The following FBXO36 variants were observed in gnomAD, a reference collection of about 807,000 sequenced individuals.
FBXO36 encodes F-box protein 36.
In FBXO36, 18 loss-of-function variants were observed where a neutral mutation model predicts 17.0. That is an observed-to-expected ratio of 1.06 (90% CI 0.73 to 1.57). The LOEUF (loss-of-function observed/expected upper bound fraction) is 1.57, where lower values mean the gene tolerates loss of function less well. Among genes scored for constraint, FBXO36 ranks in the 40% most tolerant of loss-of-function variants. The pLI, the probability that FBXO36 is intolerant of heterozygous loss-of-function variation, is 0.00. For synonymous variants in FBXO36, 83 were observed against 85.3 expected (o/e 0.97, Z 0.15); for missense variants, 229 against 221.9 (o/e 1.03, Z -0.20).
chr2:229,922,728 G>A (rs2076781504), intron 1 of FBXO36, 119 bp downstream of exon 1: 3 of 1,000,098 alleles, frequency 3.0e-6, no homozygotes, highest in Admixed American at 2.8e-5. Flanking sequence ...GCCCAGTCCC[G>A]GCTCCGCGCC....
At chr2:229,953,505 A>C (rs2077068354) in intron 1 of FBXO36, among the ~76,000 whole-genome samples, 1 of 151,602 alleles carries the variant, frequency 6.6e-6, no homozygotes, top group African/African-American at 2.4e-5. Context: ...GCAAAACCTC[A>C]TCTCTACCAA....
At chr2:229,961,300 A>C (rs1560441576) in intron 1 of FBXO36, among the ~76,000 whole-genome samples, 1 of 152,182 alleles carries the variant, frequency 6.6e-6, no homozygotes, top group Non-Finnish European at 1.5e-5. Context: ...TAATAGCCTT[A>C]TATTACTTTC....
chr2:229,939,514 G>A (rs1331258665), intron 1 of FBXO36, among the ~76,000 whole-genome samples: 2 of 152,072 alleles, frequency 1.3e-5, no homozygotes, highest in Non-Finnish European at 2.9e-5. Flanking sequence ...GGGAGGCTGA[G>A]GCAGGAGAAT....
At chr2:229,966,153 G>A (rs2077151462) in intron 1 of FBXO36, among the ~76,000 whole-genome samples, 1 of 152,128 alleles carries the variant, frequency 6.6e-6, no homozygotes, top group African/African-American at 2.4e-5. Context: ...TTTTTCCTGT[G>A]TCTGTTGACT....
intron 1 of FBXO36, among the ~76,000 whole-genome samples, chr2:229,952,528 G>A (rs1291940971): frequency 2.6e-5 from 4 of 152,184 alleles, no homozygotes; most frequent in Non-Finnish European, 5.9e-5. Context: ...AAGTTGGGGA[G>A]TGAAAGTCAG....
chr2:229,927,058 C>T (rs1362204917), intron 1 of FBXO36, among the ~76,000 whole-genome samples: 2 of 152,000 alleles, frequency 1.3e-5, no homozygotes, highest in East Asian at 3.9e-4. Flanking sequence ...TGGGGTTTCA[C>T]CATGTTGGCC....
chr2:229,960,404 C>T (rs1290229880), intron 1 of FBXO36, among the ~76,000 whole-genome samples: 2 of 151,872 alleles, frequency 1.3e-5, no homozygotes, highest in Admixed American at 1.3e-4. Flanking sequence ...GTATCAAACT[C>T]GGAGGCTCAA....
chr2:229,975,917 C>A (rs1387110228), intron 1 of FBXO36, among the ~76,000 whole-genome samples: 1 of 151,992 alleles, frequency 6.6e-6, no homozygotes, highest in Non-Finnish European at 1.5e-5. Flanking sequence ...AAGCAATTCT[C>A]CTGCCTCAGC....
intron 2 of FBXO36, among the ~76,000 whole-genome samples, chr2:229,995,616 G>T (rs376228441): frequency 1.7e-5 from 1 of 60,560 alleles, no homozygotes. Flanking sequence ...TTTTTGGACA[G>T]AATTTCGCTC....
chr2:229,926,009 G>A (rs1032315981), intron 1 of FBXO36, among the ~76,000 whole-genome samples: 3 of 151,892 alleles, frequency 2.0e-5, no homozygotes, highest in African/African-American at 4.8e-5. Context: ...TCACTCAAGG[G>A]TTGGGCACAG....
chr2:229,943,237 A>T (rs1454597990), intron 1 of FBXO36: 1 of 152,294 alleles, frequency 6.6e-6, no homozygotes, highest in Non-Finnish European at 1.5e-5. Context: ...TTGAGCCTCC[A>T]CAGCCAGCTA....
chr2:229,939,288 TG>T (rs1357384751), intron 1 of FBXO36: 2 of 984,326 alleles, frequency 2.0e-6, no homozygotes, highest in African/African-American at 3.5e-5. Flanking sequence ...ACAATTTTTT[TG>T]CACATTTTCT....
intron 1 of FBXO36, among the ~76,000 whole-genome samples, chr2:229,936,559 G>T (rs1041511721): frequency 6.6e-6 from 1 of 152,064 alleles, no homozygotes; most frequent in Non-Finnish European, 1.5e-5. Flanking sequence ...GAGAACAAAG[G>T]AACTACTGTG....
intron 1 of FBXO36, among the ~76,000 whole-genome samples, chr2:229,951,498 C>CCAA (rs1442645604): frequency 6.6e-6 from 1 of 152,134 alleles, no homozygotes; most frequent in East Asian, 1.9e-4. Flanking sequence ...CCTGCCTTGA[C>CCAA]CTCCCAAAGA....
At chr2:229,958,630 G>A (rs1391211983) in intron 1 of FBXO36, among the ~76,000 whole-genome samples, 1 of 152,034 alleles carries the variant, frequency 6.6e-6, no homozygotes, top group Non-Finnish European at 1.5e-5. Flanking sequence ...TGAGTGTTTT[G>A]GGGTCAGGCC....
chr2:230,007,717 C>T (rs970183543), intron 3 of FBXO36, among the ~76,000 whole-genome samples: 1 of 152,110 alleles, frequency 6.6e-6, no homozygotes, highest in Non-Finnish European at 1.5e-5. Context: ...CTCCCTCAGC[C>T]TCCCAAGTAG....
chr2:229,940,979 C>T (rs1309026687), intron 1 of FBXO36, among the ~76,000 whole-genome samples: 8 of 152,198 alleles, frequency 5.3e-5, no homozygotes, highest in East Asian at 1.9e-4. Flanking sequence ...GTGTGTTGCT[C>T]GTTTCACACC....
intron 3 of FBXO36, among the ~76,000 whole-genome samples, chr2:230,000,657 C>A (rs2077353648): frequency 1.3e-5 from 2 of 152,160 alleles, no homozygotes; most frequent in East Asian, 1.9e-4. Context: ...CTATTACTTT[C>A]ACTCTTAGTG....
intron 2 of FBXO36, among the ~76,000 whole-genome samples, chr2:229,995,376 T>A (rs1162711333): frequency 6.6e-6 from 1 of 152,138 alleles, no homozygotes; most frequent in Non-Finnish European, 1.5e-5. Flanking sequence ...CTTTATGAAC[T>A]ATTTCCTAAT....
Sources: allele counts gnomAD v4.1 joint callset (sites outside exome capture counted in the v4.1 genomes callset), GRCh38; gene constraint gnomAD v4.1.1; transcripts MANE v1.5; gene names NCBI Gene and HGNC (gene_info 2026-07-23, HGNC 2026-07-21).